CDYL: variants seen among roughly 807,000 people sequenced by gnomAD.
CDYL encodes the protein chromodomain Y like.
In CDYL, 8 loss-of-function variants were observed where a neutral mutation model predicts 47.3. The observed-to-expected ratio is 0.17, with a 90% CI of 0.10 to 0.31. The LOEUF (loss-of-function observed/expected upper bound fraction) is 0.31. Ranked by LOEUF, CDYL falls within the 10% of genes least tolerant of loss-of-function variation. The pLI is 1.00. For missense variants in CDYL, 471 were observed against 701.4 expected (o/e 0.67, Z 3.71); for synonymous variants, 266 against 265.0 (o/e 1.00, Z -0.04).
intron 3 of CDYL, among the ~76,000 whole-genome samples, chr6:4,737,099 T>C (rs923433213): frequency 5.3e-5 from 8 of 152,218 alleles, no homozygotes; most frequent in Non-Finnish European, 1.0e-4. Flanking sequence ...CTTTTCATGT[T>C]AAACTCCTTT....
chr6:4,797,061 G>A (rs1290629612), intron 1 of CDYL, among the ~76,000 whole-genome samples: 3 of 152,182 alleles, frequency 2.0e-5, no homozygotes, highest in African/African-American at 7.2e-5. Flanking sequence ...CTCCTGGAAT[G>A]TGACAAGGAT....
intron 3 of CDYL, among the ~76,000 whole-genome samples, chr6:4,748,429 G>A (rs1051415598): frequency 1.3e-5 from 2 of 152,048 alleles, no homozygotes; most frequent in African/African-American, 2.4e-5. Context: ...TATGGCAAAT[G>A]TCTAACTGGT....
At chr6:4,800,874 T>C (rs764349532) in intron 1 of CDYL, among the ~76,000 whole-genome samples, 15 of 152,232 alleles carry the variant, frequency 9.9e-5, no homozygotes, top group Non-Finnish European at 1.9e-4. Flanking sequence ...TGTTTATCCT[T>C]GGCTTTCTAC....
At chr6:4,850,794 G>A (rs1301459686) in intron 1 of CDYL, among the ~76,000 whole-genome samples, 1 of 152,180 alleles carries the variant, frequency 6.6e-6, no homozygotes, top group Non-Finnish European at 1.5e-5. Context: ...GTAGAATGGA[G>A]AGATCCATAT....
At chr6:4,719,985 C>A (rs184088439) in intron 2 of CDYL, among the ~76,000 whole-genome samples, 18 of 152,316 alleles carry the variant, frequency 1.2e-4, no homozygotes, top group Admixed American at 1.0e-3. Flanking sequence ...TCCATTTCAA[C>A]GCTTATAGCA....
chr6:4,743,857 T>G (rs988555535), intron 3 of CDYL, among the ~76,000 whole-genome samples: 1 of 152,244 alleles, frequency 6.6e-6, no homozygotes, highest in Non-Finnish European at 1.5e-5. Flanking sequence ...AAACACAATT[T>G]GCTTATTAAT....
At chr6:4,871,188 T>C (rs560939026) in intron 1 of CDYL, among the ~76,000 whole-genome samples, 3 of 152,318 alleles carry the variant, frequency 2.0e-5, no homozygotes, top group Admixed American at 2.0e-4. Context: ...TCACTCCCTG[T>C]CCCCCTTTCT....
intron 2 of CDYL, among the ~76,000 whole-genome samples, chr6:4,723,765 C>G (rs113580297): frequency 6.6e-6 from 1 of 152,156 alleles, no homozygotes; most frequent in Non-Finnish European, 1.5e-5. Flanking sequence ...TAAGCCTGGC[C>G]CCTGCTCTTG....
chr6:4,716,983 A>T (rs1434265203), intron 2 of CDYL, among the ~76,000 whole-genome samples: 1 of 152,164 alleles, frequency 6.6e-6, no homozygotes, highest in Non-Finnish European at 1.5e-5. Flanking sequence ...TCTCATTGGG[A>T]AAGACTTGGT....
At chr6:4,770,551 A>G (rs1758323523) in intron 3 of CDYL, among the ~76,000 whole-genome samples, 1 of 152,108 alleles carries the variant, frequency 6.6e-6, no homozygotes, top group Non-Finnish European at 1.5e-5. Context: ...TTATTTTTTT[A>G]ATGTTGCTGT....
At position 4,937,653 on chromosome 6, in the gene CDYL, G is replaced by A; in HGVS notation, c.1037G>A (p.Cys346Tyr). 6.2e-7 allele frequency: 1 copy of A among 1,613,988 alleles called. No individual in the cohort carries two copies. The highest frequency in any genetic ancestry group is 8.5e-7 in the Non-Finnish European group (1 of 1,179,914). ...CTCAGCGCCGTTGGCAGCGTCTTCT[G>A]TTGTGGACTTGACTTTATTTATTTT... ...VLLSAVGSVF[C>Y]CGLDFIYFIR... is the part of the protein sequence containing the mutation. Residue 346 changes from cysteine to tyrosine, a missense_variant, in exon 4 of 7, where the codon TGT (cysteine) becomes TAT (tyrosine). By Grantham distance (194) the Cys-to-Tyr change is radical. Coordinates refer to ENST00000397588, the MANE Select transcript of CDYL (RefSeq NM_004824.4).
intron 1 of CDYL, among the ~76,000 whole-genome samples, chr6:4,710,049 T>C (rs576715114): frequency 6.6e-6 from 1 of 152,054 alleles, no homozygotes; most frequent in African/African-American, 2.4e-5. Context: ...AGTGAAACCC[T>C]GTCTCTGCTA....
At chr6:4,864,902 T>C (rs1262988538) in intron 1 of CDYL, among the ~76,000 whole-genome samples, 2 of 152,136 alleles carry the variant, frequency 1.3e-5, no homozygotes, top group Non-Finnish European at 2.9e-5. Context: ...AAATTACAAA[T>C]TATAGGAAGG....
At chr6:4,868,154 G>A (rs1049910859) in intron 1 of CDYL, among the ~76,000 whole-genome samples, 5 of 151,402 alleles carry the variant, frequency 3.3e-5, no homozygotes, top group African/African-American at 7.3e-5. Flanking sequence ...CTTGCTTTGG[G>A]CTGAATTCGC....
At chr6:4,814,512 A>G (rs534739310) in intron 1 of CDYL, among the ~76,000 whole-genome samples, 1 of 152,022 alleles carries the variant, frequency 6.6e-6, no homozygotes, top group African/African-American at 2.4e-5. Flanking sequence ...TTACAGACAA[A>G]TTTAGTATTT....
chr6:4,909,772 C>T (rs553265098), intron 2 of CDYL, among the ~76,000 whole-genome samples: 1 of 151,734 alleles, frequency 6.6e-6, no homozygotes, highest in African/African-American at 2.4e-5. Flanking sequence ...GATGGGGTTT[C>T]ACCGTGTTAG....
intron 1 of CDYL, among the ~76,000 whole-genome samples, chr6:4,796,691 T>A (rs1208336126): frequency 6.6e-6 from 1 of 152,214 alleles, no homozygotes; most frequent in Non-Finnish European, 1.5e-5. Flanking sequence ...TTTTGGATAG[T>A]ATTTACTAGT....
At chr6:4,909,313 C>G (rs1192516903) in intron 2 of CDYL, among the ~76,000 whole-genome samples, 1 of 152,184 alleles carries the variant, frequency 6.6e-6, no homozygotes, top group African/African-American at 2.4e-5. Flanking sequence ...GGCTTTCCGG[C>G]GTCCGTAAGT....
chr6:4,794,585 G>C (rs1169835438), intron 1 of CDYL, among the ~76,000 whole-genome samples: 1 of 152,144 alleles, frequency 6.6e-6, no homozygotes, highest in African/African-American at 2.4e-5. Context: ...CTCGGGAAGG[G>C]GAGGGCCAGG....
Sources: allele counts gnomAD v4.1 joint callset (sites outside exome capture counted in the v4.1 genomes callset), GRCh38; gene constraint gnomAD v4.1.1; transcripts MANE v1.5; gene names NCBI Gene and HGNC (gene_info 2026-07-23, HGNC 2026-07-21).